The following MACROD2 variants were observed in gnomAD, a reference collection of about 807,000 sequenced individuals.
MACROD2 encodes ADP-ribose glycohydrolase MACROD2.
Under a neutral mutation model 70.4 loss-of-function variants are expected in MACROD2, and 36 were observed. That is an observed-to-expected ratio of 0.51 (90% CI 0.39 to 0.68). The LOEUF (loss-of-function observed/expected upper bound fraction) is 0.68. MACROD2 is among the 30% of genes least tolerant of loss of function. MACROD2 has a pLI of 0.00. For missense variants in MACROD2, 496 were observed against 538.4 expected (o/e 0.92, Z 0.78); for synonymous variants, 172 against 178.8 (o/e 0.96, Z 0.30).
intron 6 of MACROD2, among the ~76,000 whole-genome samples, chr20:15,392,816 T>C (rs1323896511): frequency 1.3e-5 from 2 of 152,182 alleles, no homozygotes; most frequent in African/African-American, 2.4e-5. Context: ...TCCCTTTTTA[T>C]TTTTTCCTTC....
chr20:15,556,427 T>C (rs1176586323), intron 8 of MACROD2, among the ~76,000 whole-genome samples: 1 of 152,172 alleles, frequency 6.6e-6, no homozygotes, highest in Non-Finnish European at 1.5e-5. Context: ...AAGCTGTTTA[T>C]CCACTGATAA....
At chr20:15,502,551 T>C (rs1400260367) in intron 8 of MACROD2, among the ~76,000 whole-genome samples, 1 of 152,268 alleles carries the variant, frequency 6.6e-6, no homozygotes, top group East Asian at 1.9e-4. Flanking sequence ...GCCTGGCTGC[T>C]CTTCCGAAAA....
intron 3 of MACROD2, among the ~76,000 whole-genome samples, chr20:14,208,075 AATTCTG>A (rs2081540565): frequency 6.6e-6 from 1 of 152,168 alleles, no homozygotes; most frequent in African/African-American, 2.4e-5. Context: ...GAACTAGAGG[AATTCTG>A]AACACTTCTT....
rs777446735 is a variant in MACROD2, at chr20:15,862,837, C to G, written c.727+11C>G. The G allele has an allele frequency of 7.6e-6, 12 of 1,585,742 alleles. No homozygotes were observed. The highest frequency in any genetic ancestry group is 1.0e-5 in the Non-Finnish European group (12 of 1,160,610). Reference sequence around the variant, plus strand: ...AGTTTTTCTCCGTAGGTGAGTAAAGCAACTTCTTGTTTTCTTTCAAATTGA... The same window carrying G: ...AGTTTTTCTCCGTAGGTGAGTAAAGGAACTTCTTGTTTTCTTTCAAATTGA... On this transcript the variant is annotated intron_variant, in intron 9 of 17. Coordinates refer to ENST00000684519, the MANE Select transcript of MACROD2 (RefSeq NM_001351661.2).
chr20:15,917,386 T>A (rs1299749198), intron 10 of MACROD2, among the ~76,000 whole-genome samples: 3 of 152,158 alleles, frequency 2.0e-5, no homozygotes, highest in Non-Finnish European at 4.4e-5. Context: ...CTCAGAAAAT[T>A]CATATTGCGT....
chr20:14,205,900 G>A (rs542069938), intron 3 of MACROD2, among the ~76,000 whole-genome samples: 142 of 152,276 alleles, frequency 9.3e-4, no homozygotes, highest in Non-Finnish European at 1.7e-3. Flanking sequence ...TTATTATTGA[G>A]CCCATATTTT....
intron 6 of MACROD2, among the ~76,000 whole-genome samples, chr20:15,240,137 C>CA (rs1882720087): frequency 6.6e-6 from 1 of 152,176 alleles, no homozygotes; most frequent in Non-Finnish European, 1.5e-5. Context: ...CTAGAGGTGA[C>CA]ATGATTCATG....
intron 3 of MACROD2, among the ~76,000 whole-genome samples, chr20:14,183,441 T>A (rs560257629): frequency 6.6e-6 from 1 of 152,278 alleles, no homozygotes; most frequent in South Asian, 2.1e-4. Flanking sequence ...TGATGGCATT[T>A]AGGTTGATTC....
chr20:14,774,927 C>G (rs761283007), intron 5 of MACROD2, among the ~76,000 whole-genome samples: 1 of 152,092 alleles, frequency 6.6e-6, no homozygotes, highest in African/African-American at 2.4e-5. Context: ...TAATTCTCAG[C>G]TGTTTTAGAA....
chr20:16,003,194 A>C (rs996732249), intron 15 of MACROD2, among the ~76,000 whole-genome samples: 3 of 152,036 alleles, frequency 2.0e-5, no homozygotes, highest in South Asian at 2.1e-4. Flanking sequence ...GGAAGTTCTT[A>C]AAATGTGTTC....
At chr20:14,600,343 T>TATATATATATATATATATATATACACAC (rs1320891260) in intron 4 of MACROD2, among the ~76,000 whole-genome samples, 11 of 130,208 alleles carry the variant, frequency 8.4e-5, no homozygotes, top group African/African-American at 3.5e-4. Flanking sequence ...TATATATATA[T>TATATATATATATATATATATATACACAC]ACACACACAC....
chr20:14,803,549 C>T (rs536513891), intron 5 of MACROD2, among the ~76,000 whole-genome samples: 9 of 152,114 alleles, frequency 5.9e-5, no homozygotes, highest in Admixed American at 3.9e-4. Flanking sequence ...GGTGCAATCT[C>T]GGCTCACTGC....
chr20:14,217,810 T>C (rs527335348), intron 3 of MACROD2, among the ~76,000 whole-genome samples: 1 of 152,292 alleles, frequency 6.6e-6, no homozygotes, highest in East Asian at 1.9e-4. Flanking sequence ...GTGTTCATAG[T>C]AGCCTTGAAT....
At chr20:15,198,012 A>AGT (rs1180911596) in intron 5 of MACROD2, among the ~76,000 whole-genome samples, 1 of 128,530 alleles carries the variant, frequency 7.8e-6, no homozygotes, top group East Asian at 2.5e-4. Context: ...CCCAGGCTGG[A>AGT]GTGCAATGGT....
At chr20:15,333,118 G>T (rs1013108458) in intron 6 of MACROD2, among the ~76,000 whole-genome samples, 3 of 151,574 alleles carry the variant, frequency 2.0e-5, no homozygotes, top group Non-Finnish European at 4.4e-5. Flanking sequence ...CTAGAGCAAT[G>T]GTTCCCAGAG....
At chr20:15,993,239 T>A (rs71339382) in intron 15 of MACROD2, among the ~76,000 whole-genome samples, 1 of 43,316 alleles carries the variant, frequency 2.3e-5, no homozygotes, top group Non-Finnish European at 5.4e-5. Context: ...GAAGAGTGTG[T>A]GTGTGTGTGT....
In MACROD2 at chr20:15,677,085, T is replaced by C. The variant is rs2050067574; in HGVS notation, c.645+177238T>C. On this transcript the variant is annotated intron_variant, in intron 8 of 17. Coordinates refer to ENST00000684519, the MANE Select transcript of MACROD2 (RefSeq NM_001351661.2). ...TAAAATTAGTAGTGTGAAAAGATAA[T>C]TACTAGCTATGTTAAATAAAATGAG... is the stretch of plus-strand genomic sequence containing the variant. 2.6e-5 allele frequency among the ~76,000 whole-genome samples: 4 copies of C among 152,206 alleles called. No individual in the cohort carries two copies. In the South Asian group the frequency reaches 8.3e-4, roughly 32 times the overall value.
intron 5 of MACROD2, among the ~76,000 whole-genome samples, chr20:15,212,921 G>A (rs1025399140): frequency 2.6e-5 from 4 of 152,182 alleles, no homozygotes; most frequent in Admixed American, 6.5e-5. Context: ...GAAATACTGA[G>A]AGTGTGACCT....
rs767759433 is a variant in MACROD2, at chr20:14,706,815, C to T, written c.418+21856C>T. ...CGCCGAGACTGAAGGGCACAATTGC[C>T]GAAAGGTTCTTCTTTCAGTTCAGTC... On this transcript the variant is annotated intron_variant, in intron 5 of 17. Transcript: ENST00000684519. 6.4e-4 allele frequency among the ~76,000 whole-genome samples: 97 copies of T among 152,014 alleles called. 2 individuals carry two copies. Among genetic ancestry groups the T allele is most frequent in the Middle Eastern group, 6.8e-3 (2 of 292 alleles).
Sources: gnomAD v4.1 joint callset for allele counts (sites outside exome capture counted in the v4.1 genomes callset) on GRCh38, gnomAD v4.1.1 for gene constraint, MANE v1.5 for transcripts, NCBI Gene and HGNC (gene_info 2026-07-23, HGNC 2026-07-21) for gene names.